CERT1: variants seen among roughly 807,000 people sequenced by gnomAD.
CERT1 encodes ceramide transfer protein.
CERT1 carries 31 observed loss-of-function variants against 87.9 expected under a neutral mutation model. The observed-to-expected ratio is 0.35, with a 90% confidence interval of 0.27 to 0.48. CERT1 has a LOEUF of 0.48. CERT1 is among the 20% of genes least tolerant of loss of function. The probability of loss-of-function intolerance (pLI) is 0.99; values close to 1 mark genes in which losing one functional copy is unlikely to be tolerated. For synonymous variants in CERT1, 289 were observed against 250.9 expected, an observed-to-expected ratio of 1.15 and a Z score of -1.44; for missense variants, 487 against 758.0, an observed-to-expected ratio of 0.64 and a Z score of 4.20.
At chr5:75,469,122 TAAA>T (rs1383240924) in intron 2 of CERT1, among the ~76,000 whole-genome samples, 1 of 151,276 alleles carries the variant, frequency 6.6e-6, no homozygotes, top group Non-Finnish European at 1.5e-5. Flanking sequence ...AAATAATAAT[TAAA>T]AGAAAATCAA....
Position 75,508,817 on chromosome 5 carries a change from A to T in CERT1, c.96+2295T>A, listed in dbSNP as rs140471810. On this transcript the variant is annotated intron_variant, in intron 1 of 16. Coordinates refer to ENST00000643780, the MANE Select transcript of CERT1 (RefSeq NM_001379029.1). Reference sequence around the variant, plus strand: ...GGACAGTATTTGGCTTGGACTCTTAAGGATGGACAGAATTTCAAACAGTTT... The same window carrying T: ...GGACAGTATTTGGCTTGGACTCTTATGGATGGACAGAATTTCAAACAGTTT... Among the ~76,000 whole-genome samples the T allele has an allele frequency of 1.5e-3, 224 of 152,252 alleles. 1 individual carries two copies. The highest frequency in any genetic ancestry group is 7.3e-3 in the Admixed American group (112 of 15,290).
intron 3 of CERT1, among the ~76,000 whole-genome samples, chr5:75,427,221 A>C (rs1374516119): frequency 6.6e-6 from 1 of 152,246 alleles, no homozygotes; most frequent in African/African-American, 2.4e-5. Flanking sequence ...AGACAAAGAA[A>C]TTAAAACATT....
At chr5:75,453,697 AAATT>A (rs1043430335) in intron 3 of CERT1, among the ~76,000 whole-genome samples, 6 of 152,204 alleles carry the variant, frequency 3.9e-5, no homozygotes, top group African/African-American at 1.4e-4. Flanking sequence ...TAATATATAT[AAATT>A]GTTTATCATG....
chr5:75,392,201 T>C (rs1333642283), intron 11 of CERT1, among the ~76,000 whole-genome samples: 1 of 152,244 alleles, frequency 6.6e-6, no homozygotes, highest in African/African-American at 2.4e-5. Flanking sequence ...ATTGTCTTTC[T>C]AGATAGGCAA....
intron 17 of CERT1, chr5:75,370,352 A>G (rs1761036524): frequency 1.3e-5 from 2 of 152,224 alleles, no homozygotes; most frequent in Non-Finnish European, 2.9e-5. Flanking sequence ...CCTGAGTGCA[A>G]CAAGTGGAGC....
intron 3 of CERT1, among the ~76,000 whole-genome samples, chr5:75,444,116 C>T (rs529067689): frequency 1.3e-5 from 2 of 152,150 alleles, no homozygotes; most frequent in Admixed American, 1.3e-4. Flanking sequence ...AGTGCAGTGG[C>T]GTGATCTTGG....
intron 3 of CERT1, among the ~76,000 whole-genome samples, chr5:75,436,105 G>A (rs1447232910): frequency 1.3e-5 from 2 of 152,096 alleles, no homozygotes; most frequent in Non-Finnish European, 2.9e-5. Flanking sequence ...CGATCTTGGC[G>A]CACTGCAAGC....
downstream of CERT1, chr5:75,374,432 A>T (rs1048230194): frequency 8.4e-6 from 5 of 595,454 alleles, no homozygotes; most frequent in South Asian, 1.0e-4. Flanking sequence ...AAAAAACGGG[A>T]ACAGTCCTCT....
downstream of CERT1, chr5:75,374,578 T>C (rs1270319321): frequency 7.1e-6 from 5 of 707,246 alleles, no homozygotes; most frequent in Non-Finnish European, 1.3e-5. Flanking sequence ...ATTAAGAAAT[T>C]CGTCATTTGA....
At chr5:75,488,714 A>G (rs1279425227) in intron 2 of CERT1, among the ~76,000 whole-genome samples, 2 of 152,072 alleles carry the variant, frequency 1.3e-5, no homozygotes, top group African/African-American at 4.8e-5. Context: ...TGCTAATCCA[A>G]TTATTTTTGC....
intron 3 of CERT1, among the ~76,000 whole-genome samples, chr5:75,434,014 C>A (rs1457758313): frequency 3.9e-5 from 6 of 152,094 alleles, no homozygotes; most frequent in African/African-American, 1.2e-4. Flanking sequence ...TGGCTAAGAG[C>A]TTCCAGCATT....
At chr5:75,420,666 G>A (rs1483598208) in intron 5 of CERT1, among the ~76,000 whole-genome samples, 1 of 152,040 alleles carries the variant, frequency 6.6e-6, no homozygotes, top group Non-Finnish European at 1.5e-5. Flanking sequence ...AATCTCTCTT[G>A]TTCTACTTTA....
At chr5:75,498,119 T>C (rs1224191511) in intron 2 of CERT1, among the ~76,000 whole-genome samples, 1 of 152,324 alleles carries the variant, frequency 6.6e-6, no homozygotes, top group Admixed American at 6.5e-5. Flanking sequence ...TAGAGATCTA[T>C]GGAACTTTGA....
intron 2 of CERT1, among the ~76,000 whole-genome samples, chr5:75,469,347 T>C (rs755889642): frequency 6.6e-6 from 1 of 152,104 alleles, no homozygotes; most frequent in Non-Finnish European, 1.5e-5. Context: ...TTTTGAGTCA[T>C]TAGAGTTCAA....
At chr5:75,382,207 C>T in intron 14 of CERT1, 130 bp from the exon 15 acceptor site, 1 of 737,136 alleles carries the variant, frequency 1.4e-6, no homozygotes, top group Non-Finnish European at 2.2e-6. Flanking sequence ...CTGAGGATAT[C>T]TACCAAATGA....
rs1171254044 is a variant in CERT1 at position 75,511,361 on chromosome 5, G to C, written c.-154C>G. The C allele has an allele frequency of 6.5e-7, 1 of 1,546,010 alleles. No individual in the cohort carries two copies. Among genetic ancestry groups the C allele is most frequent in the African/African-American group, 1.4e-5 (1 of 73,040 alleles). On this transcript the variant is annotated 5_prime_UTR_variant, in exon 1 of 17. Coordinates refer to ENST00000643780, the MANE Select transcript of CERT1 (RefSeq NM_001379029.1). The stretch of plus-strand genomic sequence containing the variant: ...GCAGGAGGAGGGACGAAGTCCGCCC[G>C]CCGCGCCGCCGCCGCGCCTGACACC...
chr5:75,453,612 T>C (rs1764847651), intron 3 of CERT1, among the ~76,000 whole-genome samples: 1 of 152,150 alleles, frequency 6.6e-6, no homozygotes, highest in Non-Finnish European at 1.5e-5. Context: ...ATTTCACCTC[T>C]CTATGCCCCA....
At chr5:75,485,048 T>C (rs1054226360) in intron 2 of CERT1, among the ~76,000 whole-genome samples, 23 of 151,892 alleles carry the variant, frequency 1.5e-4, no homozygotes, top group African/African-American at 5.6e-4. Flanking sequence ...AATACTACAA[T>C]TCAATAACAA....
In CERT1 at chr5:75,381,996, C is replaced by T; in HGVS notation, c.1570G>A (p.Glu524Lys). 6.2e-7 allele frequency: 1 copy of T among 1,613,904 alleles called. No individual in the cohort carries two copies. The highest frequency in any genetic ancestry group is 2.2e-5 in the East Asian group (1 of 44,856). The change falls in exon 15 of 17, where the codon GAA becomes AAA. Residue 524 changes from glutamate to lysine, a missense_variant. Transcript: ENST00000643780. ...GAAAAATTACAAACTATCCAAGTTT[C>T]AGGGTCATTTTCAGTCAAGGCTGGT... ...KIPALTENDPETWIVCNFSVD... is the reference protein window; with the variant it reads ...KIPALTENDPKTWIVCNFSVD...
Sources: gnomAD v4.1 joint callset for allele counts (sites outside exome capture counted in the v4.1 genomes callset) on GRCh38, gnomAD v4.1.1 for gene constraint, MANE v1.5 for transcripts, NCBI Gene and HGNC (gene_info 2026-07-23, HGNC 2026-07-21) for gene names.